Variants in CACNA2D3 observed in about 807,000 individuals in gnomAD.
CACNA2D3 encodes the protein calcium voltage-gated channel auxiliary subunit alpha2delta 3, also known as voltage-dependent calcium channel subunit alpha-2/delta-3.
A neutral mutation model predicts 160.6 loss-of-function variants in CACNA2D3; 60 were observed. The ratio of observed to expected loss-of-function variants is 0.37; its 90% CI spans 0.30 to 0.46. The LOEUF is 0.46. Among genes scored for constraint, CACNA2D3 ranks in the 20% least tolerant of loss-of-function variants. The pLI is 1.00. For missense variants in CACNA2D3, 1,205 were observed against 1,365.0 expected (o/e 0.88, Z 1.85); for synonymous variants, 558 against 492.9 (o/e 1.13, Z -1.75).
chr3:54,676,149 C>G (rs1700239187), intron 11 of CACNA2D3, among the ~76,000 whole-genome samples: 1 of 152,182 alleles, frequency 6.6e-6, no homozygotes, highest in African/African-American at 2.4e-5. Context: ...TGCATTAACA[C>G]AGGTGAAAGA....
intron 12 of CACNA2D3, among the ~76,000 whole-genome samples, chr3:54,753,669 G>A (rs1265201706): frequency 6.6e-6 from 1 of 152,078 alleles, no homozygotes; most frequent in African/African-American, 2.4e-5. Flanking sequence ...TAATTAAGTT[G>A]GTCAACTTTA....
At chr3:54,981,170 G>A (rs1336038121) in intron 29 of CACNA2D3, among the ~76,000 whole-genome samples, 1 of 152,198 alleles carries the variant, frequency 6.6e-6, no homozygotes, top group African/African-American at 2.4e-5. Flanking sequence ...AGACAATAGG[G>A]AAATGTCATC....
At chr3:54,799,677 G>C (rs185221342) in intron 13 of CACNA2D3, among the ~76,000 whole-genome samples, 75 of 152,286 alleles carry the variant, frequency 4.9e-4, no homozygotes, top group Middle Eastern at 3.4e-3. Flanking sequence ...TTTTTGGAGA[G>C]TTTCAAGTTC....
intron 4 of CACNA2D3, among the ~76,000 whole-genome samples, chr3:54,472,542 C>T (rs1700752537): frequency 6.6e-6 from 1 of 152,264 alleles, no homozygotes; most frequent in Non-Finnish European, 1.5e-5. Context: ...CTAGGGCAGT[C>T]AGGCAAGAGA....
intron 3 of CACNA2D3, among the ~76,000 whole-genome samples, chr3:54,383,608 T>TG (rs1383770735): frequency 1.3e-5 from 2 of 152,072 alleles, no homozygotes; most frequent in African/African-American, 4.8e-5. Flanking sequence ...AAAAAAGACA[T>TG]GCAGTGCTTG....
intron 2 of CACNA2D3, among the ~76,000 whole-genome samples, chr3:54,290,442 C>A (rs1176935246): frequency 6.6e-6 from 1 of 152,110 alleles, no homozygotes; most frequent in Non-Finnish European, 1.5e-5. Context: ...AAAATAGGAA[C>A]ACTTTTACAC....
intron 27 of CACNA2D3, among the ~76,000 whole-genome samples, chr3:54,946,206 T>A (rs923117012): frequency 2.6e-5 from 4 of 152,220 alleles, no homozygotes; most frequent in Non-Finnish European, 2.9e-5. Context: ...TGCCTGTTAA[T>A]GCTTACCTCC....
chr3:54,715,772 TA>T (rs1273293553), intron 11 of CACNA2D3, among the ~76,000 whole-genome samples: 1 of 152,066 alleles, frequency 6.6e-6, no homozygotes, highest in Non-Finnish European at 1.5e-5. Flanking sequence ...TATTCAGCCA[TA>T]AAAAAGAGGG....
chr3:54,543,222 G>A (rs934285029), intron 5 of CACNA2D3, among the ~76,000 whole-genome samples: 10 of 152,190 alleles, frequency 6.6e-5, no homozygotes, highest in Admixed American at 1.3e-4. Context: ...CATGGCTTGG[G>A]AAATTGATAA....
intron 2 of CACNA2D3, among the ~76,000 whole-genome samples, chr3:54,204,602 C>T (rs772322673): frequency 7.8e-4 from 119 of 151,990 alleles, no homozygotes; most frequent in Non-Finnish European, 1.5e-3. Context: ...CAAGACCAGC[C>T]TGGCTAACAT....
At chr3:54,809,062 A>T (rs1487974589) in intron 13 of CACNA2D3, among the ~76,000 whole-genome samples, 1 of 151,998 alleles carries the variant, frequency 6.6e-6, no homozygotes, top group Admixed American at 6.6e-5. Context: ...TACGGATGAG[A>T]CCTCTAGAGT....
At chr3:54,658,572 C>A (rs529305055) in intron 11 of CACNA2D3, among the ~76,000 whole-genome samples, 1 of 152,014 alleles carries the variant, frequency 6.6e-6, no homozygotes, top group Admixed American at 6.6e-5. Context: ...AAATTAAACC[C>A]GTATCAGATA....
At chr3:54,267,946 G>GT (rs1702551257) in intron 2 of CACNA2D3, among the ~76,000 whole-genome samples, 3 of 152,212 alleles carry the variant, frequency 2.0e-5, no homozygotes, top group Non-Finnish European at 2.9e-5. Context: ...TTTTGGGGGT[G>GT]TTTTTTTGTA....
chr3:55,038,902 A>ATG (rs1703894429), intron 35 of CACNA2D3, among the ~76,000 whole-genome samples: 1 of 125,542 alleles, frequency 8.0e-6, no homozygotes, highest in Non-Finnish European at 1.6e-5. Context: ...ATATATATAT[A>ATG]TATATACACA....
intron 4 of CACNA2D3, among the ~76,000 whole-genome samples, chr3:54,465,994 T>C (rs1700617479): frequency 6.6e-6 from 1 of 152,164 alleles, no homozygotes; most frequent in Admixed American, 6.5e-5. Flanking sequence ...TGGTTGTCCT[T>C]GTCCCTTGCA....
intron 35 of CACNA2D3, among the ~76,000 whole-genome samples, chr3:55,042,998 A>G (rs1489396232): frequency 6.6e-6 from 1 of 152,162 alleles, no homozygotes; most frequent in African/African-American, 2.4e-5. Flanking sequence ...TTGTTTATCC[A>G]TTATCCAGTA....
At chr3:54,741,579 GA>G (rs1000485928) in intron 11 of CACNA2D3, among the ~76,000 whole-genome samples, 4 of 135,524 alleles carry the variant, frequency 3.0e-5, no homozygotes, top group African/African-American at 8.2e-5. Flanking sequence ...CCCATCTAAA[GA>G]AAAAAAAATA....
chr3:54,756,639 G>A (rs1701976180), intron 12 of CACNA2D3, among the ~76,000 whole-genome samples: 1 of 152,060 alleles, frequency 6.6e-6, no homozygotes, highest in African/African-American at 2.4e-5. Flanking sequence ...TAACGCACTG[G>A]GCCTGACCAC....
intron 3 of CACNA2D3, among the ~76,000 whole-genome samples, chr3:54,346,268 C>G (rs1246818863): frequency 6.6e-6 from 1 of 152,276 alleles, no homozygotes; most frequent in East Asian, 1.9e-4. Context: ...GCCCACTGCT[C>G]TCATCCAGTG....
Sources: allele counts gnomAD v4.1 joint callset (sites outside exome capture counted in the v4.1 genomes callset), GRCh38; gene constraint gnomAD v4.1.1; transcripts MANE v1.5; gene names NCBI Gene and HGNC (gene_info 2026-07-23, HGNC 2026-07-21).